Variants in PDE4D observed in about 807,000 individuals in gnomAD.
The protein encoded by PDE4D is phosphodiesterase 4D.
A neutral mutation model predicts 87.4 loss-of-function variants in PDE4D; 24 were observed. That is an observed-to-expected ratio of 0.27 (90% CI 0.20 to 0.39). The LOEUF (loss-of-function observed/expected upper bound fraction) is 0.39. PDE4D is among the 10% of genes least tolerant of loss of function. PDE4D has a pLI of 1.00. For synonymous variants in PDE4D, 384 were observed against 383.2 expected, an observed-to-expected ratio of 1.00 and a Z score of -0.02; for missense variants, 714 against 1,041.0, an observed-to-expected ratio of 0.69 and a Z score of 4.32.
intron 2 of PDE4D, among the ~76,000 whole-genome samples, chr5:59,196,488 T>A (rs1490598087): frequency 6.6e-6 from 1 of 152,172 alleles, no homozygotes; most frequent in Non-Finnish European, 1.5e-5. Context: ...GTCATATAGG[T>A]AAATATAGGG....
At chr5:60,170,311 G>C (rs1038450297) in intron 2 of PDE4D, among the ~76,000 whole-genome samples, 2 of 151,920 alleles carry the variant, frequency 1.3e-5, no homozygotes, top group Non-Finnish European at 2.9e-5. Flanking sequence ...GCTTGGTAAA[G>C]TAATGGCTAG....
intron 1 of PDE4D, among the ~76,000 whole-genome samples, chr5:59,294,908 G>A (rs2153557445): frequency 6.6e-6 from 1 of 152,290 alleles, no homozygotes; most frequent in African/African-American, 2.4e-5. Context: ...AGAATTTTGT[G>A]ACAGCCATTA....
At chr5:59,468,782 T>C (rs1335297179) in intron 1 of PDE4D, among the ~76,000 whole-genome samples, 3 of 152,208 alleles carry the variant, frequency 2.0e-5, no homozygotes, top group African/African-American at 7.2e-5. Flanking sequence ...ATGGCTTTTA[T>C]CATTATGAGC....
chr5:60,021,932 C>G (rs1000075313), intron 2 of PDE4D: 1 of 152,182 alleles, frequency 6.6e-6, no homozygotes, highest in Non-Finnish European at 1.5e-5. Flanking sequence ...AGGCTAATCT[C>G]AAACTCCTAG....
chr5:60,413,782 G>A lies in PDE4D; in HGVS notation c.-90+74160C>T, dbSNP rs72755121. Among the ~76,000 whole-genome samples the A allele has an allele frequency of 5.5e-3, 805 of 146,418 alleles. 6 individuals are homozygous for A. Among genetic ancestry groups the A allele is most frequent in the Non-Finnish European group, 9.5e-3 (638 of 67,120 alleles). ...GGTGAAAGTATCATTGACTTACATTGGGTTGTTTCAGCCCTGCATCAGATC... is the reference window on the plus strand; with the variant it reads ...GGTGAAAGTATCATTGACTTACATTAGGTTGTTTCAGCCCTGCATCAGATC... On this transcript the variant is annotated intron_variant, in intron 1 of 16. Coordinates refer to the PDE4D transcript ENST00000502484.
intron 5 of PDE4D, among the ~76,000 whole-genome samples, chr5:59,082,243 G>A (rs1302042377): frequency 6.6e-6 from 1 of 152,110 alleles, no homozygotes; most frequent in African/African-American, 2.4e-5. Context: ...CCTTTTCATG[G>A]TAATGAATAG....
At chr5:59,180,267 CAT>C (rs1201594619) in intron 5 of PDE4D, 4 of 470,242 alleles carry the variant, frequency 8.5e-6, no homozygotes, top group Non-Finnish European at 1.6e-5. Flanking sequence ...GCTAATAACA[CAT>C]GTGTGGAACC....
chr5:60,051,207 G>A (rs1034706256), intron 2 of PDE4D, among the ~76,000 whole-genome samples: 1 of 152,092 alleles, frequency 6.6e-6, no homozygotes, highest in Non-Finnish European at 1.5e-5. Context: ...GGCATCTACA[G>A]GACTCTCCAC....
At chr5:59,061,405 T>C (rs1430775394) in intron 5 of PDE4D, among the ~76,000 whole-genome samples, 1 of 152,128 alleles carries the variant, frequency 6.6e-6, no homozygotes, top group East Asian at 1.9e-4. Flanking sequence ...AATCCCCAGC[T>C]CCTAGAACAG....
intron 1 of PDE4D, among the ~76,000 whole-genome samples, chr5:60,479,118 C>T (rs1386058846): frequency 6.6e-6 from 1 of 152,100 alleles, no homozygotes; most frequent in African/African-American, 2.4e-5. Context: ...AGATCCTTTT[C>T]TGTACACTAT....
chr5:58,978,327 T>C (rs1182294388), intron 11 of PDE4D, among the ~76,000 whole-genome samples: 1 of 151,442 alleles, frequency 6.6e-6, no homozygotes, highest in African/African-American at 2.4e-5. Context: ...GGTAGGAGGA[T>C]TGCTTGAGCC....
chr5:60,015,746 C>G (rs1227219543), intron 2 of PDE4D, among the ~76,000 whole-genome samples: 2 of 152,142 alleles, frequency 1.3e-5, no homozygotes, highest in Non-Finnish European at 2.9e-5. Context: ...ACAAAAACAA[C>G]TGATGTTCTC....
chr5:59,435,023 A>G (rs914076389), intron 1 of PDE4D, among the ~76,000 whole-genome samples: 4 of 152,104 alleles, frequency 2.6e-5, no homozygotes, highest in African/African-American at 9.7e-5. Flanking sequence ...GGTCACATAG[A>G]GTGTTAAGTG....
chr5:59,656,704 G>A (rs1744421028), intron 1 of PDE4D, among the ~76,000 whole-genome samples: 2 of 152,076 alleles, frequency 1.3e-5, no homozygotes, highest in African/African-American at 4.8e-5. Flanking sequence ...ATTTATTATG[G>A]TAATAATACT....
chr5:59,861,729 C>T (rs1746317061), intron 1 of PDE4D, among the ~76,000 whole-genome samples: 1 of 152,184 alleles, frequency 6.6e-6, no homozygotes, highest in Non-Finnish European at 1.5e-5. Flanking sequence ...TGTATTTGGA[C>T]ATTTGCATTG....
At chr5:59,135,180 G>A (rs1297671703) in intron 5 of PDE4D, among the ~76,000 whole-genome samples, 1 of 152,168 alleles carries the variant, frequency 6.6e-6, no homozygotes, top group Admixed American at 6.5e-5. Flanking sequence ...TCTGAAGGCT[G>A]GTGGTCTGAG....
intron 1 of PDE4D, among the ~76,000 whole-genome samples, chr5:60,425,073 G>A (rs959839318): frequency 9.2e-5 from 14 of 152,078 alleles, no homozygotes; most frequent in Admixed American, 2.6e-4. Flanking sequence ...GCTTATGGAT[G>A]GGAAGAATCA....
intron 1 of PDE4D, among the ~76,000 whole-genome samples, chr5:59,676,962 T>G (rs978632479): frequency 6.6e-6 from 1 of 152,148 alleles, no homozygotes; most frequent in African/African-American, 2.4e-5. Flanking sequence ...GTAATCTCTG[T>G]TCTCCTTTTT....
chr5:59,003,560 T>C (rs2055296), intron 6 of PDE4D, among the ~76,000 whole-genome samples: 15,695 of 152,202 alleles, frequency 0.1, 1,265 homozygotes, highest in East Asian at 0.47. Flanking sequence ...AAGCTCCTAC[T>C]CTATGTCAGG....
Sources: allele counts gnomAD v4.1 joint callset (sites outside exome capture counted in the v4.1 genomes callset), GRCh38; gene constraint gnomAD v4.1.1; transcripts MANE v1.5; gene names NCBI Gene and HGNC (gene_info 2026-07-23, HGNC 2026-07-21).